The following FMN2 variants were observed in gnomAD, a reference collection of about 807,000 sequenced individuals.
FMN2 encodes formin-2.
A neutral mutation model predicts 142.3 loss-of-function variants in FMN2; 51 were observed. That is an observed-to-expected ratio of 0.36 (90% confidence interval 0.29 to 0.45). The LOEUF is 0.45. Ranked by LOEUF, FMN2 falls within the 20% of genes least tolerant of loss-of-function variation. The pLI, the probability that FMN2 is intolerant of heterozygous loss-of-function variation, is 1.00. For missense variants in FMN2, 1,936 were observed against 2,122.8 expected (o/e 0.91, Z 1.73); for synonymous variants, 882 against 869.8 (o/e 1.01, Z -0.25).
chr1:240,109,955 C>T (rs898160797), intron 1 of FMN2, among the ~76,000 whole-genome samples: 20 of 152,096 alleles, frequency 1.3e-4, no homozygotes, highest in African/African-American at 4.8e-4. Flanking sequence ...ATATGACGGA[C>T]TCCTAAGTGC....
rs191977768 is a variant in FMN2 at position 240,328,933 on chromosome 1, A to G, written c.4216-143A>G. 6.8e-5 allele frequency: 50 copies of G among 735,130 alleles called. No homozygotes were observed. In the African/African-American group the frequency reaches 8.2e-4, roughly 12 times the overall value. The allele number at this position is 735,130 out of a possible 1,614,324, so 45.5% of individuals were successfully genotyped here. ...TGCCTCATGAATTAAGTCAAGCTTT[A>G]CTATATACAGATGCTAAGAAACATG... is the stretch of plus-strand genomic sequence containing the variant. On this transcript the variant is annotated intron_variant, in intron 8 of 17. Transcript: ENST00000319653.
chr1:240,418,282 C>CT (rs1271780041), intron 15 of FMN2, among the ~76,000 whole-genome samples: 1 of 151,670 alleles, frequency 6.6e-6, no homozygotes, highest in East Asian at 1.9e-4. Flanking sequence ...TCACTGCAAC[C>CT]TCCACCTCCC....
chr1:240,246,595 C>T (rs1327620711), intron 6 of FMN2, among the ~76,000 whole-genome samples: 2 of 152,076 alleles, frequency 1.3e-5, no homozygotes, highest in Non-Finnish European at 2.9e-5. Context: ...TGGCATCACC[C>T]GAAAGCTCGT....
At chr1:240,127,264 G>A (rs548212051) in intron 2 of FMN2, among the ~76,000 whole-genome samples, 1 of 151,954 alleles carries the variant, frequency 6.6e-6, no homozygotes, top group Non-Finnish European at 1.5e-5. Flanking sequence ...ATAGAGACAG[G>A]GTTTCGCCAT....
At chr1:240,101,470 G>A (rs944807298) in intron 1 of FMN2, among the ~76,000 whole-genome samples, 9 of 152,032 alleles carry the variant, frequency 5.9e-5, no homozygotes, top group Admixed American at 5.9e-4. Flanking sequence ...TGGTTAGACT[G>A]TCATTATCTG....
intron 15 of FMN2, among the ~76,000 whole-genome samples, chr1:240,414,308 G>A (rs559079991): frequency 2.6e-5 from 4 of 152,284 alleles, no homozygotes; most frequent in African/African-American, 7.2e-5. Context: ...AATGGGTAGG[G>A]TCATTCTTAG....
At chr1:240,370,975 A>G (rs557660884) in intron 14 of FMN2, among the ~76,000 whole-genome samples, 22 of 152,252 alleles carry the variant, frequency 1.4e-4, no homozygotes, top group African/African-American at 4.6e-4. Context: ...TCCTTGCTCT[A>G]TTGCCCAGGC....
intron 6 of FMN2, among the ~76,000 whole-genome samples, chr1:240,231,715 A>AT (rs1189610228): frequency 2.6e-5 from 4 of 152,066 alleles, no homozygotes; most frequent in South Asian, 2.1e-4. Context: ...AGTTTGCGAG[A>AT]TTTTTTCTAC....
In FMN2 at chr1:240,392,553, C is replaced by T; in HGVS notation, c.4901C>T (p.Thr1634Ile). ...QEAEENSLTE[T>I]HKCFLETTAY... is the part of the protein sequence containing the mutation. ...GCAGAGGAAAATTCACTGACAGAGA[C>T]TCATAAATGGTGAGAAATTACTTTA... The change falls in exon 15 of 18, where the codon ACT becomes ATT. Residue 1634 changes from threonine to isoleucine, a missense_variant. By Grantham distance (89) the Thr-to-Ile change is moderately conservative. This residue lies in a region of FMN2 where 322 missense variants were observed against 401.6 expected (regional missense o/e 0.80). Coordinates refer to ENST00000319653, the MANE Select transcript of FMN2 (RefSeq NM_020066.5). 1 of 1,608,114 alleles carries T rather than the reference C, an allele frequency of 6.2e-7. No homozygotes were observed. Among genetic ancestry groups the T allele is most frequent in the Non-Finnish European group, 8.5e-7 (1 of 1,177,160 alleles).
intron 3 of FMN2, among the ~76,000 whole-genome samples, chr1:240,178,682 CCTCGGTCTCCTAA>C (rs1665028558): frequency 6.6e-6 from 1 of 152,076 alleles, no homozygotes; most frequent in Non-Finnish European, 1.5e-5. Flanking sequence ...AGTTCTCCTA[CCTCGGTCTCCTAA>C]AGTGCTGGAA....
At chr1:240,180,335 G>A (rs941219537) in intron 3 of FMN2, among the ~76,000 whole-genome samples, 1 of 152,048 alleles carries the variant, frequency 6.6e-6, no homozygotes, top group African/African-American at 2.4e-5. Flanking sequence ...ACACTTCCAT[G>A]AGACAGCCTC....
intron 4 of FMN2, among the ~76,000 whole-genome samples, chr1:240,191,634 T>C (rs1476199316): frequency 1.3e-5 from 2 of 152,252 alleles, no homozygotes; most frequent in Non-Finnish European, 2.9e-5. Context: ...TTTTATACTC[T>C]GTAGTATATA....
chr1:240,426,019 G>A (rs939295334), intron 15 of FMN2, among the ~76,000 whole-genome samples: 7 of 152,282 alleles, frequency 4.6e-5, no homozygotes, highest in East Asian at 1.9e-4. Flanking sequence ...ATACTTGAAC[G>A]AGAGTAAATC....
chr1:240,435,006 T>C (rs190394314), intron 15 of FMN2, among the ~76,000 whole-genome samples: 49 of 152,252 alleles, frequency 3.2e-4, no homozygotes, highest in African/African-American at 1.2e-3. Flanking sequence ...TCCAAAGAAA[T>C]AGCTACCAGC....
At chr1:240,424,708 T>C (rs1674879246) in intron 15 of FMN2, among the ~76,000 whole-genome samples, 1 of 152,178 alleles carries the variant, frequency 6.6e-6, no homozygotes, top group Non-Finnish European at 1.5e-5. Context: ...GGAAGTACTG[T>C]CATTCTTTTA....
At chr1:240,285,168 T>C (rs6664907) in intron 7 of FMN2, 10,410 of 452,578 alleles carry the variant, frequency 0.023, 943 homozygotes, top group African/African-American at 0.19. Context: ...ATCGGGAATG[T>C]CTGAGAATGG....
Position 240,361,166 on chromosome 1 carries a change from TATATATATATATATATATAAAA to T in FMN2, c.4858+5259_4858+5280del, listed in dbSNP as rs1558452633. On this transcript the variant is annotated intron_variant, in intron 14 of 17. Transcript: ENST00000319653. ...GTATATATATATATATATATATATA[TATATATATATATATATATAAAA>T]GAGTTTAAAGAAGGAAAAAAACACG... 3.3e-3 allele frequency among the ~76,000 whole-genome samples: 132 copies of T among 40,290 alleles called. 1 individual carries two copies. Among genetic ancestry groups the T allele is most frequent in the Middle Eastern group, 9.1e-3 (1 of 110 alleles). 26.4% of individuals were successfully genotyped at this position (40,290 alleles called of 152,430 possible).
At chr1:240,257,879 A>T in intron 6 of FMN2, 66 bp from the exon 7 acceptor site, 2 of 1,308,362 alleles carry the variant, frequency 1.5e-6, no homozygotes, top group Admixed American at 1.9e-5. Flanking sequence ...AGGATTTTTT[A>T]AAATGCTAGT....
intron 7 of FMN2, among the ~76,000 whole-genome samples, chr1:240,259,190 G>T (rs184313190): frequency 1.3e-5 from 2 of 152,330 alleles, no homozygotes; most frequent in East Asian, 3.9e-4. Context: ...GCTGGCAGAT[G>T]TAGCCCAGTT....
Sources: allele counts gnomAD v4.1 joint callset (sites outside exome capture counted in the v4.1 genomes callset), GRCh38; gene constraint gnomAD v4.1.1; regional missense constraint gnomAD v4.1.1; transcripts MANE v1.5; gene names NCBI Gene and HGNC (gene_info 2026-07-23, HGNC 2026-07-21).